TOP3B: variants seen among roughly 807,000 people sequenced by gnomAD.
TOP3B encodes DNA topoisomerase III beta.
TOP3B carries 45 observed loss-of-function variants against 93.9 expected under a neutral mutation model. The ratio of observed to expected loss-of-function variants is 0.48; its 90% CI spans 0.38 to 0.61. The LOEUF is 0.61. Among genes scored for constraint, TOP3B ranks in the 20% least tolerant of loss-of-function variants. The probability of loss-of-function intolerance (pLI) is 0.00; values close to 1 mark genes in which losing one functional copy is unlikely to be tolerated. For synonymous variants in TOP3B, 357 were observed against 472.6 expected (o/e 0.76, Z 3.17); for missense variants, 750 against 1,156.1 (o/e 0.65, Z 5.09).
intron 16 of TOP3B, 156 bp downstream of exon 16, chr22:21,958,976 C>T (rs912125795): frequency 2.8e-5 from 33 of 1,182,990 alleles, no homozygotes; most frequent in Admixed American, 8.1e-5. Context: ...TTCTAGGGGA[C>T]GTGGGGACAC....
Position 21,970,327 on chromosome 22 carries a change from A to T in TOP3B, c.464T>A (p.Ile155Asn), listed in dbSNP as rs1362945248. 1 of 1,614,078 alleles carries T rather than the reference A, an allele frequency of 6.2e-7. No individual in the cohort carries two copies. The highest frequency in any genetic ancestry group is 8.5e-7 in the Non-Finnish European group (1 of 1,180,002). Residue 155 changes from isoleucine (I) to asparagine (N), a missense_variant, in exon 6 of 18, where the codon ATC becomes AAC. Physicochemically the swap from Ile to Asn is moderately radical, Grantham distance 149. This residue lies in a region of TOP3B where 737 missense variants were observed against 933.7 expected (regional missense o/e 0.79). Transcript: ENST00000357179. This position sits in a 1 kb window ranked among gnomAD's most constrained non-coding sequence, Gnocchi z 4.4. ...GGCATTACAGATGTCTGTGTCCGTG[A>T]TGGAGCTAAACCTGGCCCGGAACAC... ...KTVFRARFSS[I>N]TDTDICNAMA...
chr22:21,960,200 G>A (rs1216771302), intron 14 of TOP3B, 121 bp downstream of exon 14: 8 of 1,437,980 alleles, frequency 5.6e-6, no homozygotes, highest in Non-Finnish European at 6.7e-6. Context: ...TTGAGGGAGT[G>A]TGTGTGGGGC....
intron 13 of TOP3B, 51 bp downstream of exon 13, chr22:21,962,378 C>A (rs2080105982): frequency 6.2e-7 from 1 of 1,610,130 alleles, no homozygotes; most frequent in Non-Finnish European, 8.5e-7. Flanking sequence ...AGACTCGAAG[C>A]CTGAGTACTG....
chr22:21,969,744 A>T (rs2071556089), intron 6 of TOP3B: 1 of 154,952 alleles, frequency 6.5e-6, no homozygotes, highest in Non-Finnish European at 1.4e-5. Context: ...GCAATACAGT[A>T]AAACCCTGTC....
intron 4 of TOP3B, 173 bp downstream of exon 4, chr22:21,972,439 G>T (rs550950252): frequency 1.4e-5 from 8 of 578,778 alleles, no homozygotes; most frequent in African/African-American, 9.6e-5. Flanking sequence ...TGCCTTGTGT[G>T]TTGGGGGTGC....
intron 8 of TOP3B, 182 bp downstream of exon 8, chr22:21,967,421 G>GGGCAGAAATA: frequency 1.7e-6 from 1 of 604,224 alleles, no homozygotes; most frequent in East Asian, 2.8e-5. Flanking sequence ...CTATTGCACT[G>GGGCAGAAATA]GGCAGAAATA....
rs1569139274 is a variant in TOP3B, at chr22:21,958,638, TG to T, written c.1960del (p.Gln654ArgfsTer47). On this transcript the variant is annotated frameshift_variant, in exon 17 of 18. Transcript: ENST00000357179. LOFTEE classifies it high-confidence loss of function. ...CTTGTAGAGCTTGATGGTGCCGTTC[TG>T]GGGGAGCGTGTAGGTCTCATCGCAG... Reference protein sequence around the residue: ...SHCDETYTLPQNGTIKLYKEL... With the variant: ...SHCDETYTLPXNGTIKLYKEL... 1 of 1,613,726 alleles carries T rather than the reference TG, an allele frequency of 6.2e-7. No individual in the cohort carries two copies. Among genetic ancestry groups the T allele is most frequent in the Non-Finnish European group, 8.5e-7 (1 of 1,179,980 alleles).
At chr22:21,967,524 G>T in intron 8 of TOP3B, 79 bp downstream of exon 8, 1 of 1,068,328 alleles carries the variant, frequency 9.4e-7, no homozygotes, top group Non-Finnish European at 1.5e-6. Flanking sequence ...AGGATCACAG[G>T]CTGTTCCTCC....
In TOP3B at chr22:21,962,420, C is replaced by T. The variant is rs199957741; in HGVS notation, c.1525+9G>A. 301 of 1,613,054 alleles carry T rather than the reference C, an allele frequency of 1.9e-4. No individual in the cohort carries two copies. The East Asian group carries it at 5.8e-3, about 31-fold the overall frequency. ...GAGCCGGCTCTGGGGCCTGGGCAGGCGCACCCACCGATGCCATGCTTCTCC... is the reference window on the plus strand; with the variant it reads ...GAGCCGGCTCTGGGGCCTGGGCAGGTGCACCCACCGATGCCATGCTTCTCC... On this transcript the variant is annotated intron_variant, in intron 13 of 17. Coordinates refer to ENST00000357179, the MANE Select transcript of TOP3B (RefSeq NM_001282112.2).
At chr22:21,960,835 C>T (rs1208712168) in intron 13 of TOP3B, 2 of 251,686 alleles carry the variant, frequency 7.9e-6, no homozygotes, top group East Asian at 9.1e-5. Flanking sequence ...CCCCACTCCA[C>T]CAGAACACGG....
chr22:21,975,751 A>G lies in TOP3B; in HGVS notation c.-42T>C, dbSNP rs2071841325. 1.9e-6 allele frequency: 3 copies of G among 1,586,394 alleles called. No individual in the cohort carries two copies. The highest frequency in any genetic ancestry group is 1.7e-5 in the Admixed American group (1 of 59,086). On this transcript the variant is annotated 5_prime_UTR_variant, in exon 2 of 18. Coordinates refer to ENST00000357179, the MANE Select transcript of TOP3B (RefSeq NM_001282112.2). ...ACACTCCAGTTTCGGGGCACTGGCA[A>G]TGAAAAAGTTTAGACTCCACTCTTC...
chr22:21,963,977 C>A lies in TOP3B; in HGVS notation c.1150G>T (p.Ala384Ser). Reference sequence around the variant, plus strand: ...GGGGTGATGGGGGGATGGTCGCCGGCGTCATGGCCTTTCCGCGGGCGGTTG... The same window carrying A: ...GGGGTGATGGGGGGATGGTCGCCGGAGTCATGGCCTTTCCGCGGGCGGTTG... ...GINRPRKGHDAGDHPPITPMK... is the reference protein window; with the variant it reads ...GINRPRKGHDSGDHPPITPMK... The change falls in exon 11 of 18, where the codon GCC becomes TCC. Residue 384 changes from alanine to serine, a missense_variant. Physicochemically the swap from Ala to Ser is moderately conservative, Grantham distance 99. This residue lies in a region of TOP3B where 737 missense variants were observed against 933.7 expected (regional missense o/e 0.79). Transcript: ENST00000357179. This position sits in a 1 kb window ranked among gnomAD's most constrained non-coding sequence, Gnocchi z 4.8. 1 of 1,612,746 alleles carries A rather than the reference C, an allele frequency of 6.2e-7. No individual in the cohort carries two copies.
At chr22:21,967,490 G>T in intron 8 of TOP3B, 113 bp downstream of exon 8, 2 of 802,962 alleles carry the variant, frequency 2.5e-6, no homozygotes, top group Non-Finnish European at 2.1e-6. Flanking sequence ...CTGTGTTTCA[G>T]AAAGGGGGAG....
At chr22:21,981,960 T>TA (rs2084641332) in intron 1 of TOP3B, among the ~76,000 whole-genome samples, 1 of 152,168 alleles carries the variant, frequency 6.6e-6, no homozygotes, top group Admixed American at 6.5e-5. Flanking sequence ...GCTCCTCCTT[T>TA]GTAGTAGGCA....
In TOP3B at chr22:21,958,574, C is replaced by T; in HGVS notation, c.2025G>A (p.Leu675=). The change falls in exon 17 of 18, where the codon CTG becomes CTA. Residue 675 remains leucine, a synonymous_variant. Coordinates refer to ENST00000357179, the MANE Select transcript of TOP3B (RefSeq NM_001282112.2). ...RCPLDDFELV[L]WSSGSRGKSY... Reference sequence around the variant, plus strand: ...TCTTGCCCCGAGAGCCTGATGACCACAGGACCAGCTCGAAGTCATCCAGAG... The same window carrying T: ...TCTTGCCCCGAGAGCCTGATGACCATAGGACCAGCTCGAAGTCATCCAGAG... 6.2e-7 allele frequency: 1 copy of T among 1,614,140 alleles called. No homozygotes were observed. The highest frequency in any genetic ancestry group is 8.5e-7 in the Non-Finnish European group (1 of 1,180,044).
chr22:21,979,611 C>T (rs2084573550), intron 1 of TOP3B, among the ~76,000 whole-genome samples: 1 of 152,094 alleles, frequency 6.6e-6, no homozygotes, highest in African/African-American at 2.4e-5. Flanking sequence ...TAGAAACAAG[C>T]TGGTGTCTGT....
At chr22:21,972,159 C>CAA in intron 4 of TOP3B, 4 of 453,662 alleles carry the variant, frequency 8.8e-6, no homozygotes, top group Non-Finnish European at 1.2e-5. Flanking sequence ...TTTTTTGGAC[C>CAA]AAAAAAAAAA....
At chr22:21,968,538 C>T (rs889643787) in intron 7 of TOP3B, 81 bp downstream of exon 7, 40 of 1,564,210 alleles carry the variant, frequency 2.6e-5, no homozygotes, top group Middle Eastern at 2.3e-4. Flanking sequence ...CGGGGCCTGC[C>T]GGCTGATGAT....
At chr22:21,979,985 G>A (rs1049168796) in intron 1 of TOP3B, among the ~76,000 whole-genome samples, 11 of 145,132 alleles carry the variant, frequency 7.6e-5, no homozygotes, top group African/African-American at 2.6e-4. Flanking sequence ...CTCTACAGTA[G>A]AGCACCTGGC....
Sources: allele counts gnomAD v4.1 joint callset (sites outside exome capture counted in the v4.1 genomes callset), GRCh38; gene constraint gnomAD v4.1.1; regional missense constraint gnomAD v4.1.1; non-coding constraint Gnocchi (gnomAD v3.1); transcripts MANE v1.5; gene names NCBI Gene and HGNC (gene_info 2026-07-23, HGNC 2026-07-21).